Variants in PIGBOS1 observed in about 807,000 individuals in gnomAD.
PIGBOS1 encodes the protein protein PIGBOS1.
chr15:55,317,957 T>C (rs983294895), intron 1 of PIGBOS1, 90 bp from the exon 2 acceptor site: 7 of 373,898 alleles, frequency 1.9e-5, no homozygotes, highest in Non-Finnish European at 3.3e-5. Context: ...GAGTGAACAA[T>C]ATTTTTATAA....
intron 1 of PIGBOS1, among the ~76,000 whole-genome samples, chr15:55,318,213 T>G (rs1165727116): frequency 6.7e-6 from 1 of 150,306 alleles, no homozygotes; most frequent in African/African-American, 2.4e-5. Flanking sequence ...TTCTCCTACC[T>G]CAGCCTCCCG....
Position 55,317,404 on chromosome 15 carries a change from T to G in PIGBOS1, c.*224A>C. 1 of 225,944 alleles carries G rather than the reference T, an allele frequency of 4.4e-6. No homozygotes were observed. Among genetic ancestry groups the G allele is most frequent in the Non-Finnish European group, 8.6e-6 (1 of 116,282 alleles). 14.0% of individuals were successfully genotyped at this position (225,944 alleles called of 1,614,324 possible). A position where few individuals can be genotyped will look rare whatever the true frequency, so the allele number is the denominator to read the frequency against. ...ATCTTGACTCACTGCCACCTCTGCC[T>G]CCCAGGTTCAAGTGATGCTCCTGCC... On this transcript the variant is annotated 3_prime_UTR_variant, in exon 2 of 2. Coordinates refer to ENST00000436697, the MANE Select transcript of PIGBOS1 (RefSeq NM_001308421.2).
At position 55,319,038 on chromosome 15, in the gene PIGBOS1, G is replaced by A. The variant is rs570726891; in HGVS notation, c.-250C>T. On this transcript the variant is annotated 5_prime_UTR_variant, in exon 1 of 2. Coordinates refer to ENST00000436697, the MANE Select transcript of PIGBOS1 (RefSeq NM_001308421.2). ...TTTCGGACCCCCGAGCACAGAGACC[G>A]CCAAGCCAAAGGCGAGTAGCAATCC... 1.1e-5 allele frequency: 6 copies of A among 563,708 alleles called. No homozygotes were observed. In the African/African-American group the frequency reaches 1.2e-4, roughly 11 times the overall value. 34.9% of individuals were successfully genotyped at this position (563,708 alleles called of 1,614,324 possible).
At chr15:55,318,834 G>A (rs1469065685) in intron 1 of PIGBOS1, 30 bp downstream of exon 1, 1 of 163,844 alleles carries the variant, frequency 6.1e-6, no homozygotes, top group African/African-American at 2.4e-5. Flanking sequence ...CTACCTCGTT[G>A]AACAGGCATT....
In PIGBOS1 at chr15:55,318,934, C is replaced by T. The variant is rs563855010; in HGVS notation, c.-146G>A. 3 of 300,598 alleles carry T rather than the reference C, an allele frequency of 1.0e-5. No homozygotes were observed. The highest frequency in any genetic ancestry group is 6.5e-5 in the African/African-American group (3 of 46,014). The allele number at this position is 300,598 out of a possible 1,614,324, so 18.6% of individuals were successfully genotyped here. On this transcript the variant is annotated 5_prime_UTR_variant, in exon 1 of 2. Transcript: ENST00000436697. ...TTTTTAATAACCACTCAGGTACCTCCGACTGTTCTGCGCCTGCTCCACGTC... is the reference window on the plus strand; with the variant it reads ...TTTTTAATAACCACTCAGGTACCTCTGACTGTTCTGCGCCTGCTCCACGTC...
chr15:55,318,431 G>T (rs1176040810), intron 1 of PIGBOS1, among the ~76,000 whole-genome samples: 1 of 145,446 alleles, frequency 6.9e-6, no homozygotes, highest in Admixed American at 6.8e-5. Context: ...TGGGCCGCAC[G>T]CGGTGGCTCA....
Position 55,317,302 on chromosome 15 carries a change from T to G in PIGBOS1, c.*326A>C, listed in dbSNP as rs1158088435. On this transcript the variant is annotated 3_prime_UTR_variant, in exon 2 of 2. Coordinates refer to ENST00000436697, the MANE Select transcript of PIGBOS1 (RefSeq NM_001308421.2). Reference sequence around the variant, plus strand: ...ATTATTACAGTTCATCTCCATGAGGTATTTGTGGGTTTTTTTGCTTTTTGT... The same window carrying G: ...ATTATTACAGTTCATCTCCATGAGGGATTTGTGGGTTTTTTTGCTTTTTGT... 6.3e-6 allele frequency: 1 copy of G among 158,050 alleles called. No homozygotes were observed. The highest frequency in any genetic ancestry group is 2.4e-5 in the African/African-American group (1 of 41,690). 9.8% of individuals were successfully genotyped at this position (158,050 alleles called of 1,614,324 possible). A position where few individuals can be genotyped will look rare whatever the true frequency, so the allele number is the denominator to read the frequency against.
intron 1 of PIGBOS1, 108 bp downstream of exon 1, chr15:55,318,756 C>CA (rs1031849843): frequency 5.3e-5 from 8 of 150,404 alleles, no homozygotes; most frequent in Admixed American, 1.3e-4. Flanking sequence ...GCAACAACAA[C>CA]AAAAAAAATA....
chr15:55,319,008 G>A lies in PIGBOS1; in HGVS notation c.-220C>T. The A allele has an allele frequency of 2.1e-6, 1 of 484,144 alleles. No homozygotes were observed. Among genetic ancestry groups the A allele is most frequent in the Non-Finnish European group, 3.7e-6 (1 of 271,920 alleles). The allele number at this position is 484,144 out of a possible 1,614,324, so 30.0% of individuals were successfully genotyped here. On this transcript the variant is annotated 5_prime_UTR_variant, in exon 1 of 2. Coordinates refer to ENST00000436697, the MANE Select transcript of PIGBOS1 (RefSeq NM_001308421.2). ...CCCTCCAGAGACCGGGGGCCTTCCA[G>A]CAGTTTTCGGACCCCCGAGCACAGA... is the stretch of plus-strand genomic sequence containing the variant.
chr15:55,318,039 C>CA (rs1054646064), intron 1 of PIGBOS1, among the ~76,000 whole-genome samples, 172 bp from the exon 2 acceptor site: 1 of 150,882 alleles, frequency 6.6e-6, no homozygotes, highest in Non-Finnish European at 1.5e-5. Context: ...GGGTATAAGA[C>CA]AAAACTAAAA....
At chr15:55,318,471 G>A (rs190216596) in intron 1 of PIGBOS1, among the ~76,000 whole-genome samples, 6,395 of 149,786 alleles carry the variant, frequency 0.043, 217 homozygotes, top group Middle Eastern at 0.055. Flanking sequence ...TTGGGAGGCC[G>A]AGGCGGGCGG....
Position 55,317,521 on chromosome 15 carries a change from G to T in PIGBOS1, c.*107C>A. ...GTAGAGACAGGGTTTCACCATGTTG[G>T]TCAGGCTGGTCTTGAACTCCTGACC... On this transcript the variant is annotated 3_prime_UTR_variant, in exon 2 of 2. Coordinates refer to ENST00000436697, the MANE Select transcript of PIGBOS1 (RefSeq NM_001308421.2). 1 of 349,106 alleles carries T rather than the reference G, an allele frequency of 2.9e-6. No homozygotes were observed. Among genetic ancestry groups the T allele is most frequent in the Non-Finnish European group, 5.1e-6 (1 of 194,356 alleles). 21.6% of individuals were successfully genotyped at this position (349,106 alleles called of 1,614,324 possible).
rs2141150233 is a variant in PIGBOS1 at position 55,317,680 on chromosome 15, T to C, written c.113A>G (p.Glu38Gly). 1.5e-5 allele frequency: 6 copies of C among 398,654 alleles called. 1 individual carries two copies. In the East Asian group the frequency reaches 2.1e-4, roughly 14 times the overall value. 24.7% of individuals were successfully genotyped at this position (398,654 alleles called of 1,614,324 possible). A position where few individuals can be genotyped will look rare whatever the true frequency, so the allele number is the denominator to read the frequency against. The change falls in exon 2 of 2, where the codon GAA (glutamate) becomes GGA (glycine). Residue 38 changes from glutamate (E) to glycine (G), a missense_variant. Transcript: ENST00000436697. ...TACCAACTGCATCTTTTCTTTTAAT[T>C]CCTTCTGATCTTTGGCATACTGTTC... ...VFEQYAKDQK[E>G]LKEKMQLVQE...
rs1463211649 is a variant in PIGBOS1, at chr15:55,317,626, T to C, written c.*2A>G. The stretch of plus-strand genomic sequence containing the variant: ...CTGCGCCAGGCCTAACTCCATGTAG[T>C]ATTAACTTTTCTTCTCTTCTGATTC... On this transcript the variant is annotated 3_prime_UTR_variant, in exon 2 of 2. Transcript: ENST00000436697. 12 of 397,916 alleles carry C rather than the reference T, an allele frequency of 3.0e-5. No individual in the cohort carries two copies. The South Asian group carries it at 6.4e-4, about 21-fold the overall frequency. The allele number at this position is 397,916 out of a possible 1,614,324, so 24.6% of individuals were successfully genotyped here. A position where few individuals can be genotyped will look rare whatever the true frequency, so the allele number is the denominator to read the frequency against.
Position 55,318,183 on chromosome 15 carries a change from C to T in PIGBOS1, c.-75-316G>A, listed in dbSNP as rs577117203. On this transcript the variant is annotated intron_variant, in intron 1 of 1. Coordinates refer to ENST00000436697, the MANE Select transcript of PIGBOS1 (RefSeq NM_001308421.2). ...CGCAATCTCGGCTCACTGCAAGCTCCGCCTCCTCGGTTAACGCCATTCTCC... is the reference window on the plus strand; with the variant it reads ...CGCAATCTCGGCTCACTGCAAGCTCTGCCTCCTCGGTTAACGCCATTCTCC... 1.1e-3 allele frequency among the ~76,000 whole-genome samples: 167 copies of T among 150,722 alleles called. No individual in the cohort carries two copies. In the East Asian group the frequency reaches 0.015, roughly 14 times the overall value.
chr15:55,318,120 C>G (rs557154978), intron 1 of PIGBOS1, among the ~76,000 whole-genome samples: 1 of 134,568 alleles, frequency 7.4e-6, no homozygotes, highest in Non-Finnish European at 1.5e-5. Flanking sequence ...TTTTTTGAGA[C>G]GGAGTCTCGC....
chr15:55,318,698 T>G (rs1595761375), intron 1 of PIGBOS1, among the ~76,000 whole-genome samples, 166 bp downstream of exon 1: 1 of 130,580 alleles, frequency 7.7e-6, no homozygotes. Context: ...CGAAACTCCG[T>G]CTCAAAAAAA....
At position 55,317,635 on chromosome 15, in the gene PIGBOS1, T is replaced by C; in HGVS notation, c.158A>G (p.Lys53Arg). ...GCCTAACTCCATGTAGTATTAACTT[T>C]TCTTCTCTTCTGATTCTTGTACCAA... ...MQLVQESEEK[K>R]S is the part of the protein sequence containing the mutation. The change falls in exon 2 of 2, where the codon AAA becomes AGA. Residue 53 changes from lysine (K) to arginine (R), a missense_variant. Coordinates refer to ENST00000436697, the MANE Select transcript of PIGBOS1 (RefSeq NM_001308421.2). 2.5e-6 allele frequency: 1 copy of C among 398,320 alleles called. No homozygotes were observed. Among genetic ancestry groups the C allele is most frequent in the Non-Finnish European group, 4.4e-6 (1 of 225,858 alleles). The allele number at this position is 398,320 out of a possible 1,614,324, so 24.7% of individuals were successfully genotyped here.
In PIGBOS1 at chr15:55,317,543, G is replaced by T; in HGVS notation, c.*85C>A. 1 of 364,620 alleles carries T rather than the reference G, an allele frequency of 2.7e-6. No individual in the cohort carries two copies. Among genetic ancestry groups the T allele is most frequent in the Non-Finnish European group, 4.9e-6 (1 of 204,240 alleles). 22.6% of individuals were successfully genotyped at this position (364,620 alleles called of 1,614,324 possible). ...TTGGTCAGGCTGGTCTTGAACTCCT[G>T]ACCACCTGATCCACCCGCCTCGGCC... On this transcript the variant is annotated 3_prime_UTR_variant, in exon 2 of 2. Coordinates refer to ENST00000436697, the MANE Select transcript of PIGBOS1 (RefSeq NM_001308421.2).
Sources: allele counts gnomAD v4.1 joint callset (sites outside exome capture counted in the v4.1 genomes callset), GRCh38; gene constraint gnomAD v4.1.1; transcripts MANE v1.5; gene names NCBI Gene and HGNC (gene_info 2026-07-23, HGNC 2026-07-21).